Variants in BBS12 observed in about 807,000 individuals in gnomAD.
BBS12 encodes Bardet-Biedl syndrome 12, also known as chaperonin-containing T-complex member BBS12.
BBS12 carries 5 observed loss-of-function variants against 5.6 expected under a neutral mutation model. That is an observed-to-expected ratio of 0.89 (90% CI 0.46 to 1.86). BBS12 has a LOEUF of 1.86. Ranked by LOEUF, BBS12 falls within the 40% of genes most tolerant of loss-of-function variation. BBS12 has a pLI of 0.01. For missense variants in BBS12, 748 were observed against 830.4 expected (o/e 0.90, Z 1.22); for synonymous variants, 308 against 306.8 (o/e 1.00, Z -0.04).
At position 122,743,146 on chromosome 4, in the gene BBS12, G is replaced by T. The variant is rs2150737077; in HGVS notation, c.1254G>T (p.Val418=). ...KVNLVLVQGN[V]SERLIEKCIN... ...ACCTTGTCCTGGTACAAGGAAATGTGTCCGAACGCTTAATTGAAAAATGTA... is the reference window on the plus strand; with the variant it reads ...ACCTTGTCCTGGTACAAGGAAATGTTTCCGAACGCTTAATTGAAAAATGTA... Residue 418 remains valine, a synonymous_variant, in exon 2 of 2, where the codon GTG becomes GTT. Transcript: ENST00000314218. The T allele has an allele frequency of 6.2e-7, 1 of 1,614,244 alleles. No individual in the cohort carries two copies. The highest frequency in any genetic ancestry group is 1.1e-5 in the South Asian group (1 of 91,086).
the BBS12 span, among the ~76,000 whole-genome samples, chr4:122,710,099 C>T: frequency 3.3e-5 from 5 of 152,170 alleles, no homozygotes; most frequent in East Asian, 9.6e-4. Flanking sequence ...AAGGCTGCAA[C>T]AACCTTAAAC....
upstream of BBS12, chr4:122,731,775 G>C (rs1800699397): frequency 6.6e-6 from 1 of 152,098 alleles, no homozygotes; most frequent in South Asian, 2.1e-4. Context: ...TTCTATTATG[G>C]ACTGAGCATA....
Position 122,741,978 on chromosome 4 carries a change from T to C in BBS12, c.86T>C (p.Phe29Ser). Reference sequence around the variant, plus strand: ...TCATTCGCGGAAACAGGAAGAACTTTCCTAGGCCCACTAAAATCATCCAAA... The same window carrying C: ...TCATTCGCGGAAACAGGAAGAACTTCCCTAGGCCCACTAAAATCATCCAAA... ...LSSFAETGRT[F>S]LGPLKSSKFI... The change falls in exon 2 of 2, where the codon TTC becomes TCC. Residue 29 changes from phenylalanine (F) to serine (S), a missense_variant. Physicochemically the swap from Phe to Ser is radical, Grantham distance 155. Coordinates refer to ENST00000314218, the MANE Select transcript of BBS12 (RefSeq NM_152618.3). The C allele has an allele frequency of 1.2e-6, 2 of 1,613,668 alleles. No individual in the cohort carries two copies. The highest frequency in any genetic ancestry group is 1.7e-6 in the Non-Finnish European group (2 of 1,179,728).
intron 1 of BBS12, among the ~76,000 whole-genome samples, chr4:122,736,415 ATAT>A (rs1406945643): frequency 2.6e-5 from 4 of 152,244 alleles, no homozygotes; most frequent in South Asian, 2.1e-4. Context: ...CATCAAGAAA[ATAT>A]TATAATTTTT....
chr4:122,727,646 G>A, the BBS12 span, among the ~76,000 whole-genome samples: 7 of 142,522 alleles, frequency 4.9e-5, no homozygotes, highest in African/African-American at 1.1e-4. Context: ...CTCCGCCTCC[G>A]GGGTTCAAAA....
At chr4:122,709,910 C>G in the BBS12 span, among the ~76,000 whole-genome samples, 10 of 152,164 alleles carry the variant, frequency 6.6e-5, no homozygotes, top group Admixed American at 6.5e-4. Context: ...CCCCTCTCAG[C>G]CTCCCAAAGT....
chr4:122,725,840 G>A, the BBS12 span, among the ~76,000 whole-genome samples: 802 of 143,972 alleles, frequency 5.6e-3, 8 homozygotes, highest in African/African-American at 0.02. Flanking sequence ...AGAGGTTGCA[G>A]TGAGCTGGGA....
chr4:122,704,258 T>C, the BBS12 span, among the ~76,000 whole-genome samples: 3 of 152,244 alleles, frequency 2.0e-5, no homozygotes, highest in Non-Finnish European at 2.9e-5. Flanking sequence ...AACTCCATTT[T>C]TAAGGGGCTT....
At chr4:122,711,236 AAGTGCTGTAGAAATGAG>A in the BBS12 span, among the ~76,000 whole-genome samples, 4 of 152,174 alleles carry the variant, frequency 2.6e-5, no homozygotes, top group East Asian at 7.7e-4. Flanking sequence ...AGAAATGAGA[AAGTGCTGTAGAAATGAG>A]AACACAAAAT....
rs1800917558 is a variant in BBS12, at chr4:122,743,201, G to A, written c.1309G>A (p.Val437Met). ...CAGTAAGCGGTTGGTAATCGGCTCA[G>A]TGAATGGCAGTGTGATGCAGGCTTT... is the stretch of plus-strand genomic sequence containing the variant. ...INSKRLVIGS[V>M]NGSVMQAFAE... Residue 437 changes from valine (V) to methionine (M), a missense_variant, in exon 2 of 2, where the codon GTG becomes ATG. Physicochemically the swap from Val to Met is conservative, Grantham distance 21 (BLOSUM62 1). Transcript: ENST00000314218. The A allele has an allele frequency of 6.2e-7, 1 of 1,614,114 alleles. No homozygotes were observed. Among genetic ancestry groups the A allele is most frequent in the Non-Finnish European group, 8.5e-7 (1 of 1,180,056 alleles).
At chr4:122,736,947 G>A (rs1800791021) in intron 1 of BBS12, among the ~76,000 whole-genome samples, 1 of 152,110 alleles carries the variant, frequency 6.6e-6, no homozygotes, top group Non-Finnish European at 1.5e-5. Context: ...AAATGCCAAA[G>A]CAGATTTGTC....
At chr4:122,727,625 C>T in the BBS12 span, among the ~76,000 whole-genome samples, 1 of 139,490 alleles carries the variant, frequency 7.2e-6, no homozygotes, top group Non-Finnish European at 1.5e-5. Context: ...GCGATCTCTG[C>T]TCACTGCCAC....
chr4:122,727,083 C>T, the BBS12 span, among the ~76,000 whole-genome samples: 6 of 144,922 alleles, frequency 4.1e-5, no homozygotes, highest in East Asian at 6.4e-4. Context: ...TCCCCCAAAA[C>T]CTATGGAAAT....
chr4:122,723,920 T>TA, the BBS12 span, among the ~76,000 whole-genome samples: 8 of 152,208 alleles, frequency 5.3e-5, no homozygotes, highest in Admixed American at 3.3e-4. Flanking sequence ...CAAATAGTTA[T>TA]AAAAGAGCAT....
At position 122,743,406 on chromosome 4, in the gene BBS12, C is replaced by G. The variant is rs956879119; in HGVS notation, c.1514C>G (p.Thr505Ser). The G allele has an allele frequency of 1.4e-5, 22 of 1,614,100 alleles. No homozygotes were observed. Among genetic ancestry groups the G allele is most frequent in the Non-Finnish European group, 1.7e-5 (20 of 1,180,050 alleles). ...EGINLVTAVL[T>S]NPVTAQMQIK... ...ATTAATTTGGTTACGGCCGTGCTCA[C>G]TAACCCAGTTACTGCACAGATGCAA... Residue 505 changes from threonine to serine, a missense_variant, in exon 2 of 2, where the codon ACT becomes AGT. Coordinates refer to ENST00000314218, the MANE Select transcript of BBS12 (RefSeq NM_152618.3).
chr4:122,734,339 C>T (rs1357069474), intron 1 of BBS12, among the ~76,000 whole-genome samples: 1 of 152,032 alleles, frequency 6.6e-6, no homozygotes, highest in African/African-American at 2.4e-5. Context: ...AATCCCGGCT[C>T]ACTGCAAGCT....
At chr4:122,721,173 G>C in the BBS12 span, among the ~76,000 whole-genome samples, 1 of 152,104 alleles carries the variant, frequency 6.6e-6, no homozygotes, top group Non-Finnish European at 1.5e-5. Flanking sequence ...ATCACCAGCA[G>C]ATCTTCACCA....
chr4:122,717,409 G>C, the BBS12 span, among the ~76,000 whole-genome samples: 1 of 151,358 alleles, frequency 6.6e-6, no homozygotes, highest in South Asian at 2.1e-4. Context: ...TTTTTTAAGT[G>C]CTTAGCTTAT....
chr4:122,709,141 CAT>C, the BBS12 span, among the ~76,000 whole-genome samples: 2 of 152,030 alleles, frequency 1.3e-5, no homozygotes, highest in Non-Finnish European at 1.5e-5. Flanking sequence ...ATATTACAAA[CAT>C]ACAATTCCTT....
Sources: gnomAD v4.1 joint callset for allele counts (sites outside exome capture counted in the v4.1 genomes callset) on GRCh38, gnomAD v4.1.1 for gene constraint, MANE v1.5 for transcripts, NCBI Gene and HGNC (gene_info 2026-07-23, HGNC 2026-07-21) for gene names.